The following ELSPBP1 variants were observed in gnomAD, a reference collection of about 807,000 sequenced individuals.
ELSPBP1 encodes epididymal sperm binding protein 1.
ELSPBP1 carries 38 observed loss-of-function variants against 33.3 expected under a neutral mutation model. The ratio of observed to expected loss-of-function variants is 1.14; its 90% CI spans 0.88 to 1.50. ELSPBP1 has a LOEUF of 1.50. Ranked by LOEUF, ELSPBP1 falls within the 40% of genes most tolerant of loss-of-function variation. ELSPBP1 has a pLI of 0.00. For synonymous variants in ELSPBP1, 85 were observed against 94.1 expected, an observed-to-expected ratio of 0.90 and a Z score of 0.56; for missense variants, 267 against 263.5, an observed-to-expected ratio of 1.01 and a Z score of -0.09.
intron 1 of ELSPBP1, among the ~76,000 whole-genome samples, chr19:48,002,858 A>T (rs1459037364): frequency 6.6e-6 from 1 of 152,158 alleles, no homozygotes; most frequent in East Asian, 1.9e-4. Context: ...TCTGGCTTGT[A>T]TGCCCCCTCT....
chr19:48,015,992 C>G lies in ELSPBP1; in HGVS notation c.308C>G (p.Thr103Ser). 1 of 1,613,982 alleles carries G rather than the reference C, an allele frequency of 6.2e-7. No homozygotes were observed. Among genetic ancestry groups the G allele is most frequent in the Non-Finnish European group, 8.5e-7 (1 of 1,179,978 alleles). ...SFLGSLWCSV[T>S]SVFDEKQQWK... is the part of the protein sequence containing the mutation. ...TTAGGCAGTCTGTGGTGCTCAGTCA[C>G]CTCTGTCTTCGATGAGAAACAGCAG... is the stretch of plus-strand genomic sequence containing the variant. Residue 103 changes from threonine to serine, a missense_variant, in exon 4 of 7, where the codon ACC becomes AGC. Coordinates refer to ENST00000339841, the MANE Select transcript of ELSPBP1 (RefSeq NM_022142.5).
At chr19:48,023,583 AGG>A (rs1967236909) in intron 6 of ELSPBP1, among the ~76,000 whole-genome samples, 1 of 100,528 alleles carries the variant, frequency 9.9e-6, no homozygotes, top group Non-Finnish European at 1.9e-5. Context: ...GAAGGGAGGG[AGG>A]AAGGAAGGAA....
chr19:48,019,485 G>A (rs193023207), intron 4 of ELSPBP1, among the ~76,000 whole-genome samples: 14 of 152,284 alleles, frequency 9.2e-5, no homozygotes, highest in Non-Finnish European at 5.9e-5. Flanking sequence ...AGGTGATGGC[G>A]ACCGCAGAAC....
At chr19:48,021,074 G>T (rs368435144) in intron 5 of ELSPBP1, among the ~76,000 whole-genome samples, 1 of 152,062 alleles carries the variant, frequency 6.6e-6, no homozygotes, top group Non-Finnish European at 1.5e-5. Context: ...CTATTTATGG[G>T]GTCATCTTTC....
chr19:48,006,621 C>CAAAAAAAA (rs1190341508), intron 1 of ELSPBP1, among the ~76,000 whole-genome samples: 3 of 20,860 alleles, frequency 1.4e-4, no homozygotes, highest in African/African-American at 1.6e-4. Flanking sequence ...GACCCTGTCT[C>CAAAAAAAA]AAAAAAAAAA....
intron 5 of ELSPBP1, among the ~76,000 whole-genome samples, chr19:48,020,947 T>C (rs1462927932): frequency 6.6e-6 from 1 of 150,414 alleles, no homozygotes; most frequent in Admixed American, 6.7e-5. Flanking sequence ...AACTTGGGAC[T>C]TTCCTAAATA....
In ELSPBP1 at chr19:48,025,143, AT is replaced by A. The variant is rs1299513358; in HGVS notation, c.*202del. 1 of 152,152 alleles carries A rather than the reference AT, an allele frequency of 6.6e-6. No homozygotes were observed. The highest frequency in any genetic ancestry group is 2.4e-5 in the African/African-American group (1 of 41,422). 9.4% of individuals were successfully genotyped at this position (152,152 alleles called of 1,614,324 possible). On this transcript the variant is annotated 3_prime_UTR_variant, in exon 7 of 7. Coordinates refer to ENST00000339841, the MANE Select transcript of ELSPBP1 (RefSeq NM_022142.5). ...CATAACCACCAATAAAGGAGTCTTG[AT>A]TTAACCCTGGGATCTGCCTTTTCTG...
chr19:48,008,599 G>T (rs1038650039), intron 1 of ELSPBP1, 52 bp from the exon 2 acceptor site: 2 of 1,305,562 alleles, frequency 1.5e-6, no homozygotes, highest in Non-Finnish European at 2.2e-6. Flanking sequence ...AGGAGGTAAT[G>T]GGAAGAGGAA....
chr19:48,007,775 G>A (rs754777981), intron 1 of ELSPBP1, among the ~76,000 whole-genome samples: 1 of 152,108 alleles, frequency 6.6e-6, no homozygotes, highest in African/African-American at 2.4e-5. Flanking sequence ...CATTAATATG[G>A]GTTAGAACCC....
At chr19:47,997,840 A>T (rs2122285460) in intron 1 of ELSPBP1, among the ~76,000 whole-genome samples, 1 of 152,356 alleles carries the variant, frequency 6.6e-6, no homozygotes, top group East Asian at 1.9e-4. Flanking sequence ...TATATACATA[A>T]TTAAATTGTT....
At chr19:48,017,896 CAAAAAAAA>C (rs60130865) in intron 4 of ELSPBP1, among the ~76,000 whole-genome samples, 1 of 66,118 alleles carries the variant, frequency 1.5e-5, no homozygotes, top group East Asian at 5.3e-4. Flanking sequence ...GATCTTGTCT[CAAAAAAAA>C]AAAAAAAAAA....
intron 2 of ELSPBP1, among the ~76,000 whole-genome samples, chr19:48,009,766 A>G (rs1229237729): frequency 6.6e-6 from 1 of 151,778 alleles, no homozygotes; most frequent in Admixed American, 6.6e-5. Context: ...AATCCAAACT[A>G]TCAGCTGCTT....
intron 5 of ELSPBP1, among the ~76,000 whole-genome samples, chr19:48,021,890 G>T (rs1176532709): frequency 1.3e-5 from 2 of 152,066 alleles, no homozygotes; most frequent in African/African-American, 4.8e-5. Flanking sequence ...GGGACTACAG[G>T]CATACACCAC....
At chr19:48,006,529 G>A (rs943154231) in intron 1 of ELSPBP1, among the ~76,000 whole-genome samples, 11 of 149,250 alleles carry the variant, frequency 7.4e-5, no homozygotes, top group Admixed American at 1.4e-4. Context: ...CAGGAGAATC[G>A]CTTGAGCCTG....
chr19:47,998,462 C>T (rs1045152116), intron 1 of ELSPBP1, among the ~76,000 whole-genome samples: 1 of 148,008 alleles, frequency 6.8e-6, no homozygotes, highest in African/African-American at 2.6e-5. Flanking sequence ...AGGGATTGGG[C>T]TAATGAGCCC....
chr19:48,009,945 G>A (rs185252831), intron 2 of ELSPBP1, among the ~76,000 whole-genome samples: 17 of 152,258 alleles, frequency 1.1e-4, no homozygotes, highest in Admixed American at 3.9e-4. Context: ...CTTTTAGCTT[G>A]TAGACAAGTA....
chr19:47,997,941 A>G (rs1219936412), intron 1 of ELSPBP1, among the ~76,000 whole-genome samples: 1 of 152,206 alleles, frequency 6.6e-6, no homozygotes, highest in Non-Finnish European at 1.5e-5. Flanking sequence ...GAGGTGATTG[A>G]TATCAGTGGC....
intron 3 of ELSPBP1, among the ~76,000 whole-genome samples, chr19:48,014,892 A>G (rs1289087843): frequency 6.6e-6 from 1 of 152,198 alleles, no homozygotes; most frequent in Non-Finnish European, 1.5e-5. Context: ...AGTTGACCCA[A>G]TAGAACCATC....
chr19:48,023,607 AG>A (rs1967237836), intron 6 of ELSPBP1, among the ~76,000 whole-genome samples: 1 of 122,510 alleles, frequency 8.2e-6, no homozygotes, highest in Non-Finnish European at 1.7e-5. Flanking sequence ...GGAGGGAGGG[AG>A]GGAAGAAAGG....
Sources: gnomAD v4.1 joint callset for allele counts (sites outside exome capture counted in the v4.1 genomes callset) on GRCh38, gnomAD v4.1.1 for gene constraint, MANE v1.5 for transcripts, NCBI Gene and HGNC (gene_info 2026-07-23, HGNC 2026-07-21) for gene names.